ATF7IP: variants seen among roughly 807,000 people sequenced by gnomAD.
ATF7IP encodes activating transcription factor 7 interacting protein, also known as activating transcription factor 7-interacting protein 1.
ATF7IP carries 23 observed loss-of-function variants against 106.4 expected under a neutral mutation model. That is an observed-to-expected ratio of 0.22 (90% CI 0.16 to 0.31). ATF7IP has a LOEUF of 0.31. ATF7IP is among the 10% of genes least tolerant of loss of function. ATF7IP has a pLI of 1.00. For missense variants in ATF7IP, 1,334 were observed against 1,524.3 expected (o/e 0.88, Z 2.08); for synonymous variants, 542 against 539.0 (o/e 1.01, Z -0.08).
At chr12:14,471,972 A>G (rs1404556345) in intron 10 of ATF7IP, among the ~76,000 whole-genome samples, 1 of 152,244 alleles carries the variant, frequency 6.6e-6, no homozygotes, top group East Asian at 1.9e-4. Flanking sequence ...TCTTGGAGGA[A>G]TGCAGATCTA....
intron 1 of ATF7IP, among the ~76,000 whole-genome samples, chr12:14,405,522 C>T (rs1004504596): frequency 2.7e-5 from 4 of 150,474 alleles, no homozygotes; most frequent in Non-Finnish European, 4.4e-5. Context: ...TCAAGTGATC[C>T]TCCCACCTCA....
chr12:14,449,716 GA>G (rs898146997), intron 6 of ATF7IP, among the ~76,000 whole-genome samples: 13 of 142,386 alleles, frequency 9.1e-5, no homozygotes, highest in African/African-American at 2.6e-4. Context: ...TTTTTTTCTG[GA>G]AAAAAAAAAC....
intron 10 of ATF7IP, among the ~76,000 whole-genome samples, chr12:14,472,182 A>G (rs1944073731): frequency 6.6e-6 from 1 of 152,052 alleles, no homozygotes. Flanking sequence ...CTGACTTATT[A>G]CCCTGCCCCT....
chr12:14,370,093 A>G (rs965602720), intron 1 of ATF7IP, among the ~76,000 whole-genome samples: 2 of 152,048 alleles, frequency 1.3e-5, no homozygotes, highest in African/African-American at 2.4e-5. Context: ...ATGTGCCACT[A>G]TGCCCGGCTA....
intron 1 of ATF7IP, among the ~76,000 whole-genome samples, chr12:14,379,040 G>C (rs974318143): frequency 3.3e-5 from 5 of 152,094 alleles, no homozygotes; most frequent in Non-Finnish European, 5.9e-5. Flanking sequence ...ATATAGTTTG[G>C]ATTTGTATCC....
Position 14,454,843 on chromosome 12 carries a change from T to A in ATF7IP, c.1996-1718T>A, listed in dbSNP as rs934289552. On this transcript the variant is annotated intron_variant, in intron 6 of 14. Transcript: ENST00000261168. ...TATGCTTTTATTCTTCTTGTTTTTC[T>A]CCTGAAATATTCTTTTATCTTAACC... is the stretch of plus-strand genomic sequence containing the variant. Among the ~76,000 whole-genome samples the A allele has an allele frequency of 1.4e-4, 22 of 152,282 alleles. No homozygotes were observed. The Middle Eastern group carries it at 0.017, about 118-fold the overall frequency.
At position 14,424,108 on chromosome 12, in the gene ATF7IP, A is replaced by G; in HGVS notation, c.193A>G (p.Ile65Val). ...PTSPLENMDY[I>V]KDKEEVNGIE... Reference sequence around the variant, plus strand: ...CTCACCTTTGGAAAACATGGATTACATTAAAGACAAGGAAGAGGTGAATGG... The same window carrying G: ...CTCACCTTTGGAAAACATGGATTACGTTAAAGACAAGGAAGAGGTGAATGG... The change falls in exon 2 of 15, where the codon ATT becomes GTT. Residue 65 changes from isoleucine to valine, a missense_variant. Coordinates refer to ENST00000261168, the MANE Select transcript of ATF7IP (RefSeq NM_018179.5). 6.2e-7 allele frequency: 1 copy of G among 1,614,228 alleles called. No homozygotes were observed. The highest frequency in any genetic ancestry group is 8.5e-7 in the Non-Finnish European group (1 of 1,180,038).
intron 1 of ATF7IP, among the ~76,000 whole-genome samples, chr12:14,414,959 C>T (rs899272625): frequency 6.6e-5 from 10 of 151,892 alleles, no homozygotes; most frequent in Non-Finnish European, 1.5e-4. Context: ...TTAATGAGAC[C>T]TGGTCTTGCT....
At chr12:14,444,525 AT>A (rs1458623926) in intron 5 of ATF7IP, among the ~76,000 whole-genome samples, 1 of 152,098 alleles carries the variant, frequency 6.6e-6, no homozygotes. Context: ...TTGTTTATTC[AT>A]TTTTTTAAAA....
chr12:14,426,843 AAAAAAAAG>A (rs1941875111), intron 2 of ATF7IP, among the ~76,000 whole-genome samples: 1 of 146,250 alleles, frequency 6.8e-6, no homozygotes, highest in Non-Finnish European at 1.5e-5. Flanking sequence ...AAAAAAAAAA[AAAAAAAAG>A]GATGGCTTTT....
At chr12:14,370,925 A>G (rs781261944) in intron 1 of ATF7IP, among the ~76,000 whole-genome samples, 89 of 150,846 alleles carry the variant, frequency 5.9e-4, no homozygotes, top group Admixed American at 1.3e-3. Context: ...TTGATGGAGG[A>G]ATTTGAAAAG....
intron 2 of ATF7IP, among the ~76,000 whole-genome samples, chr12:14,426,993 A>C (rs1941888182): frequency 6.6e-6 from 1 of 152,128 alleles, no homozygotes; most frequent in Admixed American, 6.5e-5. Flanking sequence ...TAAATACAAG[A>C]CTGTGAGTAC....
In ATF7IP at chr12:14,424,977, A is replaced by G; in HGVS notation, c.1062A>G (p.Thr354=). The change falls in exon 2 of 15, where the codon ACA becomes ACG. Residue 354 remains threonine, a synonymous_variant. Coordinates refer to ENST00000261168, the MANE Select transcript of ATF7IP (RefSeq NM_018179.5). ...NIDANEETLE[T]DDTTICSDRP... The stretch of plus-strand genomic sequence containing the variant: ...ATGCTAATGAAGAAACTCTAGAAAC[A>G]GATGATACAACTATTTGTTCAGATC... 6.2e-7 allele frequency: 1 copy of G among 1,610,508 alleles called. No homozygotes were observed. Among genetic ancestry groups the G allele is most frequent in the South Asian group, 1.1e-5 (1 of 89,896 alleles).
At chr12:14,494,484 A>G (rs1457451033) in intron 13 of ATF7IP, among the ~76,000 whole-genome samples, 1 of 146,368 alleles carries the variant, frequency 6.8e-6, no homozygotes, top group Non-Finnish European at 1.5e-5. Context: ...TATACTACAT[A>G]TAAACTAATT....
chr12:14,386,034 G>C (rs541737178), intron 1 of ATF7IP, among the ~76,000 whole-genome samples: 132 of 152,094 alleles, frequency 8.7e-4, no homozygotes, highest in Non-Finnish European at 1.2e-3. Context: ...TTCAGATTCA[G>C]ATTTTGAATT....
Position 14,434,538 on chromosome 12 carries a change from T to C in ATF7IP, c.1645+115T>C, listed in dbSNP as rs189018238. ...ATGAAATAATTGTAAAATTTTGCAA[T>C]TTCACAACTATACCATTTTGTTGAT... is the stretch of plus-strand genomic sequence containing the variant. On this transcript the variant is annotated intron_variant, in intron 3 of 14. Transcript: ENST00000261168. The C allele has an allele frequency of 2.6e-4, 177 of 679,780 alleles. No homozygotes were observed. In the African/African-American group the frequency reaches 3.2e-3, roughly 12 times the overall value. The allele number at this position is 679,780 out of a possible 1,614,324, so 42.1% of individuals were successfully genotyped here. A position where few individuals can be genotyped will look rare whatever the true frequency, so the allele number is the denominator to read the frequency against.
At chr12:14,472,018 T>G (rs763610354) in intron 10 of ATF7IP, among the ~76,000 whole-genome samples, 10 of 152,182 alleles carry the variant, frequency 6.6e-5, no homozygotes, top group African/African-American at 1.2e-4. Flanking sequence ...TCCATGTATA[T>G]TGTATTAAAA....
chr12:14,451,283 TTTTG>T (rs1943191262), intron 6 of ATF7IP, among the ~76,000 whole-genome samples: 1 of 152,112 alleles, frequency 6.6e-6, no homozygotes, highest in African/African-American at 2.4e-5. Flanking sequence ...AAGTCATCTG[TTTTG>T]TTAGTTAGCC....
intron 5 of ATF7IP, among the ~76,000 whole-genome samples, chr12:14,445,623 A>G (rs1255955947): frequency 6.6e-6 from 1 of 152,250 alleles, no homozygotes; most frequent in Non-Finnish European, 1.5e-5. Context: ...GTCCTTAGGG[A>G]AAATCTTTAC....
Sources: allele counts gnomAD v4.1 joint callset (sites outside exome capture counted in the v4.1 genomes callset), GRCh38; gene constraint gnomAD v4.1.1; transcripts MANE v1.5; gene names NCBI Gene and HGNC (gene_info 2026-07-23, HGNC 2026-07-21).